POU6F2: variants seen among roughly 807,000 people sequenced by gnomAD.
POU6F2 encodes the protein POU domain, class 6, transcription factor 2.
Under a neutral mutation model 71.3 loss-of-function variants are expected in POU6F2, and 31 were observed. The observed-to-expected ratio is 0.43, with a 90% CI of 0.33 to 0.59. The LOEUF (loss-of-function observed/expected upper bound fraction) is 0.59. POU6F2 is among the 20% of genes least tolerant of loss of function. POU6F2 has a pLI of 0.04. For synonymous variants in POU6F2, 347 were observed against 355.7 expected (o/e 0.98, Z 0.27); for missense variants, 783 against 856.8 (o/e 0.91, Z 1.07).
chr7:39,213,895 C>A (rs977762452), intron 4 of POU6F2, among the ~76,000 whole-genome samples: 1 of 152,196 alleles, frequency 6.6e-6, no homozygotes, highest in African/African-American at 2.4e-5. Flanking sequence ...CTGGGAGATT[C>A]TTTCCTGTCC....
chr7:39,291,040 A>T (rs1405333941), intron 4 of POU6F2, among the ~76,000 whole-genome samples: 1 of 150,028 alleles, frequency 6.7e-6, no homozygotes, highest in Non-Finnish European at 1.5e-5. Flanking sequence ...AAAAAAGCAC[A>T]AGTTTACAGA....
intron 1 of POU6F2, among the ~76,000 whole-genome samples, chr7:39,059,007 A>G (rs569303079): frequency 6.6e-6 from 1 of 152,352 alleles, no homozygotes; most frequent in South Asian, 2.1e-4. Context: ...ACTTGGGAAA[A>G]TAAAAATGTA....
At chr7:39,397,392 CA>C (rs1787195215) in intron 5 of POU6F2, among the ~76,000 whole-genome samples, 1 of 144,246 alleles carries the variant, frequency 6.9e-6, no homozygotes, top group Non-Finnish European at 1.5e-5. Flanking sequence ...TATATATAGA[CA>C]AATATATATA....
intron 6 of POU6F2, among the ~76,000 whole-genome samples, chr7:39,407,579 T>A (rs915124084): frequency 6.6e-6 from 1 of 151,688 alleles, no homozygotes. Flanking sequence ...GGTTCTCCAG[T>A]GTGACTGATC....
intron 6 of POU6F2, among the ~76,000 whole-genome samples, chr7:39,422,048 G>A (rs767820777): frequency 3.9e-5 from 6 of 152,164 alleles, no homozygotes; most frequent in Admixed American, 6.5e-5. Flanking sequence ...TTTTAAGGGG[G>A]AAAAAATGTT....
At chr7:39,091,255 T>C (rs991885570) in intron 2 of POU6F2, among the ~76,000 whole-genome samples, 1 of 152,202 alleles carries the variant, frequency 6.6e-6, no homozygotes, top group South Asian at 2.1e-4. Flanking sequence ...TGGGGGACAG[T>C]GCACAATATG....
At chr7:38,997,410 T>G (rs1788770244) in intron 1 of POU6F2, among the ~76,000 whole-genome samples, 1 of 152,248 alleles carries the variant, frequency 6.6e-6, no homozygotes, top group Non-Finnish European at 1.5e-5. Flanking sequence ...TTGTGTTTAC[T>G]TAAATCTTGT....
chr7:39,004,501 G>A (rs940966775), intron 1 of POU6F2, among the ~76,000 whole-genome samples: 1 of 152,194 alleles, frequency 6.6e-6, no homozygotes, highest in Admixed American at 6.5e-5. Context: ...CAGTGAATGA[G>A]CTGACTCAAT....
chr7:39,179,502 T>C (rs1352013034), intron 2 of POU6F2, among the ~76,000 whole-genome samples: 1 of 152,150 alleles, frequency 6.6e-6, no homozygotes, highest in East Asian at 1.9e-4. Context: ...TTATTATGCA[T>C]GGGACTGAGA....
intron 4 of POU6F2, among the ~76,000 whole-genome samples, chr7:39,253,673 G>A (rs1283181223): frequency 1.3e-5 from 2 of 152,186 alleles, no homozygotes; most frequent in Non-Finnish European, 2.9e-5. Flanking sequence ...GTCATGCAAA[G>A]TGGAGGGTCG....
chr7:39,288,530 C>G (rs1470796592), intron 4 of POU6F2, among the ~76,000 whole-genome samples: 1 of 152,190 alleles, frequency 6.6e-6, no homozygotes, highest in Admixed American at 6.5e-5. Context: ...TGAAAAATTG[C>G]AATGCTTTTT....
At chr7:39,236,917 T>C (rs1166330172) in intron 4 of POU6F2, among the ~76,000 whole-genome samples, 2 of 152,218 alleles carry the variant, frequency 1.3e-5, no homozygotes, top group African/African-American at 4.8e-5. Flanking sequence ...CAAACATGAA[T>C]AGGAAGATCT....
intron 2 of POU6F2, among the ~76,000 whole-genome samples, chr7:39,158,774 T>C (rs1792927798): frequency 6.6e-6 from 1 of 152,170 alleles, no homozygotes. Flanking sequence ...GTTCGCTGAT[T>C]GAAATGCCGT....
At chr7:38,984,828 A>G (rs1449402647) in intron 1 of POU6F2, 1 of 152,168 alleles carries the variant, frequency 6.6e-6, no homozygotes, top group Admixed American at 6.6e-5. Flanking sequence ...ATTTATCTCT[A>G]ACATCTAAAA....
intron 4 of POU6F2, among the ~76,000 whole-genome samples, chr7:39,220,451 G>A (rs571763263): frequency 4.8e-4 from 73 of 152,270 alleles, no homozygotes; most frequent in Non-Finnish European, 9.0e-4. Context: ...GGGAAAAAGA[G>A]GGGTGTACTT....
intron 5 of POU6F2, among the ~76,000 whole-genome samples, chr7:39,343,410 TAA>T (rs58511899): frequency 3.0e-5 from 4 of 133,208 alleles, no homozygotes; most frequent in Non-Finnish European, 3.2e-5. Context: ...ATGATCTAGG[TAA>T]AAAAAAAAAA....
chr7:39,030,421 T>C (rs2128708992), intron 1 of POU6F2, among the ~76,000 whole-genome samples: 1 of 147,430 alleles, frequency 6.8e-6, no homozygotes, highest in East Asian at 2.0e-4. Context: ...AGATCACTCT[T>C]GCCTGAGATC....
At position 39,084,713 on chromosome 7, in the gene POU6F2, T is replaced by TA. The variant is rs989091714; in HGVS notation, c.106-1138dup. 2.2e-3 allele frequency among the ~76,000 whole-genome samples: 339 copies of TA among 151,098 alleles called. 2 individuals carry two copies. Among genetic ancestry groups the TA allele is most frequent in the African/African-American group, 7.7e-3 (316 of 41,246 alleles). On this transcript the variant is annotated intron_variant, in intron 1 of 9. Coordinates refer to ENST00000518318, the MANE Select transcript of POU6F2 (RefSeq NM_001370959.1). ...ATTCACTTTTCAAGCATGAATACATTAAAAAAAAATAAAACACAGGCATAC... is the reference window on the plus strand; with the variant it reads ...ATTCACTTTTCAAGCATGAATACATTAAAAAAAAAATAAAACACAGGCATAC...
intron 6 of POU6F2, among the ~76,000 whole-genome samples, chr7:39,421,367 T>C (rs1224819078): frequency 6.6e-6 from 1 of 152,160 alleles, no homozygotes; most frequent in Non-Finnish European, 1.5e-5. Flanking sequence ...GCCACAACAA[T>C]GGATATTCTC....
Sources: gnomAD v4.1 joint callset for allele counts (sites outside exome capture counted in the v4.1 genomes callset) on GRCh38, gnomAD v4.1.1 for gene constraint, MANE v1.5 for transcripts, NCBI Gene and HGNC (gene_info 2026-07-23, HGNC 2026-07-21) for gene names.